The following LIPA variants were observed in gnomAD, a reference collection of about 807,000 sequenced individuals.
LIPA encodes the protein lipase A, lysosomal acid type.
In LIPA, 26 loss-of-function variants were observed where a neutral mutation model predicts 40.6. The observed-to-expected ratio is 0.64, with a 90% confidence interval of 0.47 to 0.89. The LOEUF (loss-of-function observed/expected upper bound fraction) is 0.89, where lower values mean the gene tolerates loss of function less well. LIPA is among the 40% of genes least tolerant of loss of function. The probability of loss-of-function intolerance (pLI) is 0.00; values close to 1 mark genes in which losing one functional copy is unlikely to be tolerated. For synonymous variants in LIPA, 188 were observed against 168.4 expected, an observed-to-expected ratio of 1.12 and a Z score of -0.90; for missense variants, 455 against 479.6, an observed-to-expected ratio of 0.95 and a Z score of 0.48.
intron 2 of LIPA, chr10:89,362,372 G>A (rs1296910652): frequency 6.5e-6 from 1 of 154,252 alleles, no homozygotes; most frequent in African/African-American, 2.4e-5. Context: ...GCTAATTGAA[G>A]CCCTTGAAAT....
chr10:89,407,877 C>T (rs1422072452), intron 2 of LIPA, among the ~76,000 whole-genome samples: 5 of 151,808 alleles, frequency 3.3e-5, no homozygotes, highest in Non-Finnish European at 7.4e-5. Context: ...CCTCAGTCCT[C>T]CTTGTGGTCT....
chr10:89,403,251 A>G, intron 2 of LIPA: 1 of 1,614,220 alleles, frequency 6.2e-7, no homozygotes, highest in Non-Finnish European at 8.5e-7. Flanking sequence ...AAGATCAGCC[A>G]TATTTCATTT....
rs71022556 is a variant in LIPA at position 89,247,379 on chromosome 10, C to CAAAA, written c.111+155_111+158dup. ...CAGGTGACAGAGTAAGACTCTGCCT[C>CAAAA]AAAAAAAAAAAAAAAAAAAAAAAAA... is the stretch of plus-strand genomic sequence containing the variant. On this transcript the variant is annotated intron_variant, in intron 2 of 9. Coordinates refer to ENST00000336233, the MANE Select transcript of LIPA (RefSeq NM_000235.4). 4.8e-3 allele frequency among the ~76,000 whole-genome samples: 359 copies of CAAAA among 75,438 alleles called. 3 individuals are homozygous for CAAAA. Among genetic ancestry groups the CAAAA allele is most frequent in the Non-Finnish European group, 6.4e-3 (266 of 41,370 alleles). The allele number at this position is 75,438 out of a possible 152,430, so 49.5% of individuals were successfully genotyped here. A position where few individuals can be genotyped will look rare whatever the true frequency, so the allele number is the denominator to read the frequency against.
At chr10:89,306,975 T>G in intron 1 of LIPA, 1 of 1,614,106 alleles carries the variant, frequency 6.2e-7, no homozygotes, top group Non-Finnish European at 8.5e-7. Context: ...TGTTCCATTC[T>G]TGCCAGCCTC....
intron 2 of LIPA, among the ~76,000 whole-genome samples, chr10:89,370,055 C>T (rs576235423): frequency 6.6e-6 from 1 of 152,368 alleles, no homozygotes; most frequent in South Asian, 2.1e-4. Flanking sequence ...TTATGTAGAG[C>T]TGGGTGGTCT....
intron 2 of LIPA, among the ~76,000 whole-genome samples, chr10:89,368,411 G>C (rs551318570): frequency 1.3e-5 from 2 of 152,176 alleles, no homozygotes; most frequent in Admixed American, 6.5e-5. Context: ...TACCAGAAAG[G>C]GTCCCCAGCT....
chr10:89,305,482 C>T (rs1195618415), intron 1 of LIPA, among the ~76,000 whole-genome samples: 3 of 151,788 alleles, frequency 2.0e-5, no homozygotes, highest in East Asian at 3.9e-4. Context: ...AGCTGCATTT[C>T]GGAGGGATGA....
intron 2 of LIPA, among the ~76,000 whole-genome samples, chr10:89,352,621 A>G (rs190790372): frequency 6.6e-6 from 1 of 152,158 alleles, no homozygotes; most frequent in East Asian, 1.9e-4. Flanking sequence ...TTTCCTGCCC[A>G]CTGCACAAAG....
intron 1 of LIPA, among the ~76,000 whole-genome samples, chr10:89,249,764 T>C (rs1472646230): frequency 6.6e-6 from 1 of 152,212 alleles, no homozygotes; most frequent in African/African-American, 2.4e-5. Flanking sequence ...CAAAGGGGTA[T>C]GCACAAATAA....
intron 1 of LIPA, among the ~76,000 whole-genome samples, chr10:89,289,724 T>G (rs1843361109): frequency 6.6e-6 from 1 of 152,118 alleles, no homozygotes; most frequent in South Asian, 2.1e-4. Context: ...CCCTTAAGTC[T>G]CTGTTTGAAC....
At chr10:89,286,043 C>G (rs911669925) in intron 1 of LIPA, among the ~76,000 whole-genome samples, 4 of 152,156 alleles carry the variant, frequency 2.6e-5, no homozygotes, top group African/African-American at 9.7e-5. Flanking sequence ...AACCCCAATA[C>G]AAACTCGACA....
upstream of LIPA, among the ~76,000 whole-genome samples, chr10:89,343,324 T>C (rs1843888187): frequency 6.6e-6 from 1 of 152,202 alleles, no homozygotes. Flanking sequence ...CAAATTCTTC[T>C]TGGACTCTCT....
chr10:89,254,872 A>G (rs1050006336), upstream of LIPA, among the ~76,000 whole-genome samples: 3 of 152,176 alleles, frequency 2.0e-5, no homozygotes, highest in Non-Finnish European at 2.9e-5. Flanking sequence ...TGCCCCCAGT[A>G]TCTTTGCTAA....
At chr10:89,252,807 C>CAAAAAA (rs34928929), upstream of LIPA, among the ~76,000 whole-genome samples, 1 of 132,274 alleles carries the variant, frequency 7.6e-6, no homozygotes. Context: ...CTCCATCCCC[C>CAAAAAA]AAAAAAAAAA....
chr10:89,294,963 G>A (rs1305315944), intron 1 of LIPA, among the ~76,000 whole-genome samples: 1 of 146,914 alleles, frequency 6.8e-6, no homozygotes, highest in Non-Finnish European at 1.5e-5. Context: ...GGGTGACAGA[G>A]CAAGACTCTG....
At chr10:89,312,453 AAATAAT>A (rs1344803545) in intron 1 of LIPA, among the ~76,000 whole-genome samples, 6 of 152,178 alleles carry the variant, frequency 3.9e-5, no homozygotes, top group Admixed American at 1.3e-4. Flanking sequence ...CTCAAAAAAT[AAATAAT>A]AATAATAATT....
intron 1 of LIPA, among the ~76,000 whole-genome samples, chr10:89,314,088 T>G (rs1432451513): frequency 6.6e-6 from 1 of 152,240 alleles, no homozygotes; most frequent in Non-Finnish European, 1.5e-5. Flanking sequence ...TTTCTTTTGT[T>G]ATCTATTTTT....
At chr10:89,269,316 C>A (rs1484428978) in intron 1 of LIPA, among the ~76,000 whole-genome samples, 1 of 151,900 alleles carries the variant, frequency 6.6e-6, no homozygotes, top group African/African-American at 2.4e-5. Flanking sequence ...GTGACAGAGT[C>A]AAAAAAATAA....
At chr10:89,257,295 C>A (rs1048024083) in intron 1 of LIPA, among the ~76,000 whole-genome samples, 3 of 152,156 alleles carry the variant, frequency 2.0e-5, no homozygotes, top group African/African-American at 7.2e-5. Flanking sequence ...TAAAGGACTT[C>A]ATTTTGATTT....
Sources: gnomAD v4.1 joint callset for allele counts (sites outside exome capture counted in the v4.1 genomes callset) on GRCh38, gnomAD v4.1.1 for gene constraint, MANE v1.5 for transcripts, NCBI Gene and HGNC (gene_info 2026-07-23, HGNC 2026-07-21) for gene names.